TUT7: variants seen among roughly 807,000 people sequenced by gnomAD.
TUT7 encodes the protein terminal uridylyl transferase 7.
Under a neutral mutation model 165.9 loss-of-function variants are expected in TUT7, and 33 were observed. The observed-to-expected ratio is 0.20, with a 90% CI of 0.15 to 0.27. TUT7 has a LOEUF of 0.27. Among genes scored for constraint, TUT7 ranks in the 10% least tolerant of loss-of-function variants. TUT7 has a pLI of 1.00. For synonymous variants in TUT7, 552 were observed against 608.1 expected (o/e 0.91, Z 1.36); for missense variants, 1,338 against 1,762.3 (o/e 0.76, Z 4.31).
At chr9:86,298,646 G>T in intron 26 of TUT7, 1 of 327,208 alleles carries the variant, frequency 3.1e-6, no homozygotes, top group Non-Finnish European at 4.4e-6. Flanking sequence ...GTTCCCCCAA[G>T]TGATTCTGAT....
chr9:86,315,641 T>TCAAAA (rs569546895), intron 17 of TUT7, among the ~76,000 whole-genome samples: 31 of 152,272 alleles, frequency 2.0e-4, no homozygotes, highest in East Asian at 5.8e-4. Context: ...TGCACGACCT[T>TCAAAA]CAAAACAAAA....
rs199887046 is a variant in TUT7 at position 86,343,117 on chromosome 9, G to T, written c.1044C>A (p.Phe348Leu). The change falls in exon 6 of 27, where the codon TTC becomes TTA. Residue 348 changes from phenylalanine (F) to leucine (L), a missense_variant. Around this residue, in one of 7 missense-constraint regions of TUT7, gnomAD observed 434 missense variants for 480.8 expected, o/e 0.90. Transcript: ENST00000375963. ...TGTCAATGTTTACATCCGAATTTTT[G>T]AAACCCAATCTGCTACAGGATGACC... Reference protein sequence around the residue: ...LYGSSCSRLGFKNSDVNIDIQ... With the variant: ...LYGSSCSRLGLKNSDVNIDIQ... 7.5e-6 allele frequency: 12 copies of T among 1,603,352 alleles called. No homozygotes were observed. In the South Asian group the frequency reaches 1.4e-4, roughly 18 times the overall value.
intron 11 of TUT7, among the ~76,000 whole-genome samples, chr9:86,327,475 C>T (rs1326816868): frequency 1.3e-5 from 2 of 152,204 alleles, no homozygotes; most frequent in African/African-American, 4.8e-5. Context: ...AAGGCGAAGT[C>T]ACTTGCCCAA....
intron 10 of TUT7, among the ~76,000 whole-genome samples, chr9:86,328,817 G>C (rs1227244863): frequency 6.6e-6 from 1 of 152,208 alleles, no homozygotes; most frequent in East Asian, 1.9e-4. Context: ...TATACTAGCT[G>C]TATAACCTTG....
At chr9:86,303,043 A>T in intron 25 of TUT7, 43 bp downstream of exon 25, 1 of 949,962 alleles carries the variant, frequency 1.1e-6, no homozygotes, top group Non-Finnish European at 1.6e-6. Flanking sequence ...TTGGGACATT[A>T]AGAAAATAAA....
At position 86,311,813 on chromosome 9, in the gene TUT7, G is replaced by A. The variant is rs981170679; in HGVS notation, c.3275-1004C>T. Among the ~76,000 whole-genome samples, 2 of 152,176 alleles carry A rather than the reference G, an allele frequency of 1.3e-5. No individual in the cohort carries two copies. Among genetic ancestry groups the A allele is most frequent in the African/African-American group, 4.8e-5 (2 of 41,434 alleles). ...TTTCGTATTTTTTTGGTGGAGACGG[G>A]GTTTCGCTGTGTTGGCCGGGCTGGT... On this transcript the variant is annotated intron_variant, in intron 17 of 26. Transcript: ENST00000375963. The surrounding 1 kb of genome is among the most constrained non-coding windows in gnomAD (Gnocchi z 4.4).
At chr9:86,316,046 T>C (rs1159086037) in intron 17 of TUT7, among the ~76,000 whole-genome samples, 7 of 152,186 alleles carry the variant, frequency 4.6e-5, no homozygotes, top group Non-Finnish European at 1.0e-4. Context: ...CAAAAACTTT[T>C]CATGGACAGA....
chr9:86,294,719 AATT>A (rs533768008), intron 26 of TUT7, among the ~76,000 whole-genome samples: 22 of 151,252 alleles, frequency 1.5e-4, no homozygotes, highest in East Asian at 3.9e-4. Context: ...CATAAAAAGT[AATT>A]ATTATTATTA....
At chr9:86,328,834 G>T (rs1166154209) in intron 10 of TUT7, among the ~76,000 whole-genome samples, 1 of 151,976 alleles carries the variant, frequency 6.6e-6, no homozygotes, top group Non-Finnish European at 1.5e-5. Context: ...CTTGAGTAAG[G>T]TACTTACTCT....
intron 2 of TUT7, among the ~76,000 whole-genome samples, chr9:86,349,373 T>A (rs1447574379): frequency 2.6e-5 from 4 of 152,302 alleles, no homozygotes; most frequent in African/African-American, 9.6e-5. Flanking sequence ...GTTCTCTATA[T>A]TCGGCATTCC....
chr9:86,316,956 GTAT>G (rs1391546640), intron 17 of TUT7, among the ~76,000 whole-genome samples: 1 of 152,004 alleles, frequency 6.6e-6, no homozygotes, highest in Non-Finnish European at 1.5e-5. Context: ...TATTTACATA[GTAT>G]TTACACTGTA....
intron 11 of TUT7, among the ~76,000 whole-genome samples, chr9:86,326,152 T>C (rs11141339): frequency 0.31 from 47,564 of 152,096 alleles, 8,852 homozygotes; most frequent in African/African-American, 0.5. Context: ...ATAGAGATTC[T>C]GCCACGTCAT....
intron 6 of TUT7, among the ~76,000 whole-genome samples, chr9:86,341,860 T>A (rs990887364): frequency 2.6e-5 from 4 of 152,148 alleles, no homozygotes; most frequent in African/African-American, 4.8e-5. Context: ...CCTGAACCTT[T>A]ACCTGCACAG....
At chr9:86,328,294 A>ACAATTGC (rs767135272) in intron 11 of TUT7, 46 bp downstream of exon 11, 2 of 1,505,328 alleles carry the variant, frequency 1.3e-6, no homozygotes, top group Non-Finnish European at 1.8e-6. Context: ...CCACAACTTC[A>ACAATTGC]CAATTGGCAA....
chr9:86,324,990 T>G (rs1053325316), intron 12 of TUT7, among the ~76,000 whole-genome samples: 5 of 152,122 alleles, frequency 3.3e-5, no homozygotes, highest in African/African-American at 9.7e-5. Flanking sequence ...AGGACTGAAT[T>G]AAAAAATCCA....
At chr9:86,349,035 T>C (rs1401858884) in intron 2 of TUT7, among the ~76,000 whole-genome samples, 1 of 152,028 alleles carries the variant, frequency 6.6e-6, no homozygotes, top group Non-Finnish European at 1.5e-5. Flanking sequence ...TCCCAGCATT[T>C]TGGGAGGCCG....
intron 10 of TUT7, among the ~76,000 whole-genome samples, chr9:86,336,511 A>G (rs929970243): frequency 2.0e-5 from 3 of 152,226 alleles, no homozygotes; most frequent in Non-Finnish European, 4.4e-5. Context: ...CCTGGTAGAC[A>G]GAAGTCCCTG....
intron 17 of TUT7, among the ~76,000 whole-genome samples, chr9:86,315,662 C>G (rs548462801): frequency 6.6e-6 from 1 of 152,150 alleles, no homozygotes; most frequent in Admixed American, 6.5e-5. Flanking sequence ...CAAAACAAAA[C>G]AAAACACATG....
At chr9:86,339,949 C>T (rs1302927598) in intron 8 of TUT7, 87 bp downstream of exon 8, 2 of 996,994 alleles carry the variant, frequency 2.0e-6, no homozygotes, top group African/African-American at 3.2e-5. Context: ...GCTTATAATT[C>T]TAGAAATTGG....
Sources: gnomAD v4.1 joint callset for allele counts (sites outside exome capture counted in the v4.1 genomes callset) on GRCh38, gnomAD v4.1.1 for gene constraint, gnomAD v4.1.1 regional missense constraint, Gnocchi (gnomAD v3.1) non-coding constraint, MANE v1.5 for transcripts, NCBI Gene and HGNC (gene_info 2026-07-23, HGNC 2026-07-21) for gene names.